SIK2: variants seen among roughly 807,000 people sequenced by gnomAD.
SIK2 encodes the protein salt inducible kinase 2, also known as serine/threonine-protein kinase SIK2.
SIK2 carries 29 observed loss-of-function variants against 103.2 expected under a neutral mutation model. The ratio of observed to expected loss-of-function variants is 0.28; its 90% CI spans 0.21 to 0.38. The LOEUF is 0.38. Ranked by LOEUF, SIK2 falls within the 10% of genes least tolerant of loss-of-function variation. The probability of loss-of-function intolerance (pLI) is 1.00; values close to 1 mark genes in which losing one functional copy is unlikely to be tolerated. For missense variants in SIK2, 879 were observed against 1,171.0 expected (o/e 0.75, Z 3.64); for synonymous variants, 412 against 446.1 (o/e 0.92, Z 0.96).
rs2135989713 is a variant in SIK2 at position 111,727,030 on chromosome 11, T to TTA, written c.*2901_*2902insTA. 1 of 1,614,162 alleles carries TTA rather than the reference T, an allele frequency of 6.2e-7. No individual in the cohort carries two copies. ...CCCAGCTGGGCAAGTGTGTCTCTAG[T>TTA]ATCTCCACGCAACTGATACACTGGT... is the stretch of plus-strand genomic sequence containing the variant. On this transcript the variant is annotated 3_prime_UTR_variant, in exon 15 of 15. Transcript: ENST00000304987.
intron 3 of SIK2, among the ~76,000 whole-genome samples, chr11:111,659,181 T>C (rs1004652222): frequency 5.3e-5 from 8 of 152,232 alleles, no homozygotes; most frequent in Non-Finnish European, 1.0e-4. Context: ...TATTCTTTAG[T>C]CTCTTATCTG....
intron 3 of SIK2, chr11:111,683,295 C>T (rs1444745364): frequency 2.0e-5 from 3 of 152,028 alleles, no homozygotes; most frequent in African/African-American, 4.8e-5. Context: ...AGTCTTTGGT[C>T]GAGGGTATAT....
intron 3 of SIK2, among the ~76,000 whole-genome samples, chr11:111,650,870 G>A (rs960951012): frequency 3.9e-5 from 6 of 152,164 alleles, no homozygotes; most frequent in Non-Finnish European, 8.8e-5. Context: ...CTAAAAATAC[G>A]GTTGGTCTTA....
At chr11:111,610,180 G>T (rs1359294087) in intron 1 of SIK2, among the ~76,000 whole-genome samples, 1 of 152,066 alleles carries the variant, frequency 6.6e-6, no homozygotes, top group African/African-American at 2.4e-5. Context: ...AAGTTAATTT[G>T]TTTTTCTAAA....
At chr11:111,639,896 C>T (rs1942158374) in intron 3 of SIK2, among the ~76,000 whole-genome samples, 1 of 151,872 alleles carries the variant, frequency 6.6e-6, no homozygotes, top group Admixed American at 6.6e-5. Context: ...CCTTTTTTTC[C>T]CCAGCCACCT....
intron 3 of SIK2, chr11:111,672,055 C>T: frequency 2.0e-6 from 1 of 506,644 alleles, no homozygotes; most frequent in Non-Finnish European, 3.9e-6. Context: ...CTCCAGGAAC[C>T]ACAACTTGTT....
intron 3 of SIK2, among the ~76,000 whole-genome samples, chr11:111,643,967 A>G (rs1276809526): frequency 6.6e-6 from 1 of 151,366 alleles, no homozygotes; most frequent in Non-Finnish European, 1.5e-5. Flanking sequence ...GGGGTGACAG[A>G]GTGGGACCCT....
At chr11:111,611,747 AC>A (rs1941729270) in intron 1 of SIK2, among the ~76,000 whole-genome samples, 1 of 152,166 alleles carries the variant, frequency 6.6e-6, no homozygotes, top group Non-Finnish European at 1.5e-5. Context: ...ATAGATGAAC[AC>A]CACCAAAAAA....
intron 1 of SIK2, among the ~76,000 whole-genome samples, chr11:111,605,161 C>G (rs939085586): frequency 1.4e-4 from 22 of 152,046 alleles, no homozygotes; most frequent in African/African-American, 5.3e-4. Flanking sequence ...CGGGGTTTCA[C>G]AGTGTTGGCC....
At chr11:111,682,625 AG>A (rs1409061341) in intron 3 of SIK2, among the ~76,000 whole-genome samples, 2 of 152,256 alleles carry the variant, frequency 1.3e-5, no homozygotes, top group Non-Finnish European at 2.9e-5. Flanking sequence ...ATGTTACATG[AG>A]GAAAAAAAGG....
intron 3 of SIK2, among the ~76,000 whole-genome samples, chr11:111,657,997 G>T (rs1270914045): frequency 6.6e-6 from 1 of 152,048 alleles, no homozygotes; most frequent in African/African-American, 2.4e-5. Context: ...AGGCGTGGAA[G>T]AGCTATTAAG....
chr11:111,717,310 T>C (rs1943671105), intron 9 of SIK2, among the ~76,000 whole-genome samples: 1 of 81,984 alleles, frequency 1.2e-5, no homozygotes, highest in Non-Finnish European at 2.1e-5. Context: ...AGAGCGAGAC[T>C]CCGTCTCAAA....
At chr11:111,706,220 A>G (rs1477206649) in intron 8 of SIK2, among the ~76,000 whole-genome samples, 1 of 152,252 alleles carries the variant, frequency 6.6e-6, no homozygotes, top group Non-Finnish European at 1.5e-5. Context: ...GGCACATAGT[A>G]AGTGCTATGT....
chr11:111,675,842 T>C (rs780251219), intron 3 of SIK2, among the ~76,000 whole-genome samples: 72 of 152,206 alleles, frequency 4.7e-4, no homozygotes, highest in South Asian at 1.0e-3. Context: ...ATACAAATTA[T>C]TTTGTCAGTC....
chr11:111,698,999 G>A (rs1391299668), intron 4 of SIK2, among the ~76,000 whole-genome samples: 3 of 152,160 alleles, frequency 2.0e-5, no homozygotes, highest in African/African-American at 7.2e-5. Context: ...TCATTTGAGA[G>A]TATAGTTTTT....
At chr11:111,628,876 A>G (rs1942001047) in intron 3 of SIK2, among the ~76,000 whole-genome samples, 1 of 152,070 alleles carries the variant, frequency 6.6e-6, no homozygotes, top group Non-Finnish European at 1.5e-5. Context: ...TGTAAGAGGC[A>G]TATTTTAGAG....
chr11:111,668,088 T>A (rs1444109252), intron 3 of SIK2, among the ~76,000 whole-genome samples: 1 of 152,168 alleles, frequency 6.6e-6, no homozygotes, highest in Non-Finnish European at 1.5e-5. Context: ...TGAGCAGGAA[T>A]TCTTACAGTG....
At chr11:111,609,337 G>A (rs943664170) in intron 1 of SIK2, among the ~76,000 whole-genome samples, 1 of 151,110 alleles carries the variant, frequency 6.6e-6, no homozygotes, top group African/African-American at 2.4e-5. Flanking sequence ...TTTTTTTGGG[G>A]GGGGGACAGG....
At chr11:111,605,533 G>A (rs1202612324) in intron 1 of SIK2, among the ~76,000 whole-genome samples, 1 of 152,080 alleles carries the variant, frequency 6.6e-6, no homozygotes, top group Non-Finnish European at 1.5e-5. Context: ...ACTTATTGAC[G>A]ATAAAAGTTT....
Sources: gnomAD v4.1 joint callset for allele counts (sites outside exome capture counted in the v4.1 genomes callset) on GRCh38, gnomAD v4.1.1 for gene constraint, MANE v1.5 for transcripts, NCBI Gene and HGNC (gene_info 2026-07-23, HGNC 2026-07-21) for gene names.